MOB3B: variants seen among roughly 807,000 people sequenced by gnomAD.
The protein encoded by MOB3B is MOB kinase activator 3B, also known as MOB kinase activator-like 2B.
MOB3B carries 7 observed loss-of-function variants against 18.7 expected under a neutral mutation model. The observed-to-expected ratio is 0.37, with a 90% CI of 0.21 to 0.70. The LOEUF (loss-of-function observed/expected upper bound fraction) is 0.70, where lower values mean the gene tolerates loss of function less well. Ranked by LOEUF, MOB3B falls within the 30% of genes least tolerant of loss-of-function variation. The probability of loss-of-function intolerance (pLI) is 0.52; values close to 1 mark genes in which losing one functional copy is unlikely to be tolerated. For missense variants in MOB3B, 253 were observed against 281.3 expected, an observed-to-expected ratio of 0.90 and a Z score of 0.72; for synonymous variants, 111 against 99.9, an observed-to-expected ratio of 1.11 and a Z score of -0.66.
chr9:27,443,982 T>A (rs1322501339), intron 2 of MOB3B, among the ~76,000 whole-genome samples: 1 of 152,176 alleles, frequency 6.6e-6, no homozygotes, highest in East Asian at 1.9e-4. Flanking sequence ...AACCACAGCA[T>A]GTTCTCTCTG....
Position 27,440,528 on chromosome 9 carries a change from T to A in MOB3B, c.418+14605A>T, listed in dbSNP as rs1587215979. Among the ~76,000 whole-genome samples, 3 of 152,206 alleles carry A rather than the reference T, an allele frequency of 2.0e-5. No homozygotes were observed. In the South Asian group the frequency reaches 6.2e-4, roughly 32 times the overall value. ...ATATTATAGAAAGCTCTCCTGAGCC[T>A]GAATATTTGTTGCATAAAATTTGCA... is the stretch of plus-strand genomic sequence containing the variant. On this transcript the variant is annotated intron_variant, in intron 2 of 3. Coordinates refer to ENST00000262244, the MANE Select transcript of MOB3B (RefSeq NM_024761.5).
In MOB3B at chr9:27,455,223, T is replaced by C. The variant is rs1479406758; in HGVS notation, c.328A>G (p.Thr110Ala). Residue 110 changes from threonine (T) to alanine (A), a missense_variant, in exon 2 of 4, where the codon ACA becomes GCA. By Grantham distance (58) the Thr-to-Ala change is moderately conservative. Transcript: ENST00000262244. Reference sequence around the variant, plus strand: ...ATGTACTGGGGAGCTGGCAGCGCTGTTGGCTTCTTATACTTGAGATCATCC... The same window carrying C: ...ATGTACTGGGGAGCTGGCAGCGCTGCTGGCTTCTTATACTTGAGATCATCC... ...WQDDLKYKKPTALPAPQYMNL... is the reference protein window; with the variant it reads ...WQDDLKYKKPAALPAPQYMNL... 8.7e-6 allele frequency: 14 copies of C among 1,614,180 alleles called. No individual in the cohort carries two copies. The highest frequency in any genetic ancestry group is 1.3e-5 in the African/African-American group (1 of 75,062).
chr9:27,346,426 G>A (rs1471939926), intron 3 of MOB3B, among the ~76,000 whole-genome samples: 2 of 152,144 alleles, frequency 1.3e-5, no homozygotes, highest in African/African-American at 2.4e-5. Flanking sequence ...TTTCACCTCT[G>A]CATCTGATTT....
intron 1 of MOB3B, among the ~76,000 whole-genome samples, chr9:27,463,972 G>GA (rs1459535607): frequency 3.3e-5 from 5 of 151,858 alleles, no homozygotes; most frequent in Admixed American, 1.3e-4. Context: ...AAAGAAAAAA[G>GA]AAAAAAATAA....
At position 27,529,684 on chromosome 9, in the gene MOB3B, C is replaced by A. The variant is rs1213088506; in HGVS notation, c.-328G>T. 21 of 985,326 alleles carry A rather than the reference C, an allele frequency of 2.1e-5. No individual in the cohort carries two copies. Among genetic ancestry groups the A allele is most frequent in the Admixed American group, 6.1e-5 (1 of 16,268 alleles). The allele number at this position is 985,326 out of a possible 1,614,324, so 61.0% of individuals were successfully genotyped here. A position where few individuals can be genotyped will look rare whatever the true frequency, so the allele number is the denominator to read the frequency against. On this transcript the variant is annotated 5_prime_UTR_variant, in exon 1 of 4. Transcript: ENST00000262244. ...TTGCCAATCCACGCAAGGGACTCTGCCGCCGGTGCGCGAGGTCCCGGCGAG... is the reference window on the plus strand; with the variant it reads ...TTGCCAATCCACGCAAGGGACTCTGACGCCGGTGCGCGAGGTCCCGGCGAG...
chr9:27,370,829 C>G (rs1055909021), intron 2 of MOB3B, among the ~76,000 whole-genome samples: 7 of 152,172 alleles, frequency 4.6e-5, no homozygotes, highest in Admixed American at 1.3e-4. Context: ...GTTCCCCTTA[C>G]TTTTCCCAAC....
chr9:27,370,142 A>G (rs1046762169), intron 2 of MOB3B, among the ~76,000 whole-genome samples: 99 of 152,230 alleles, frequency 6.5e-4, no homozygotes, highest in African/African-American at 2.2e-3. Flanking sequence ...TGATGGTACT[A>G]GGAGGTGGGG....
At chr9:27,435,240 C>G (rs929727834) in intron 2 of MOB3B, among the ~76,000 whole-genome samples, 3 of 152,172 alleles carry the variant, frequency 2.0e-5, no homozygotes, top group African/African-American at 7.2e-5. Context: ...TTTCAGCAAA[C>G]TATGGCACAA....
Position 27,326,348 on chromosome 9 carries a change from C to T in MOB3B, c.*4239G>A, listed in dbSNP as rs1820711943. ...AGGCTGAAGCACAACTGGTAATAGC[C>T]TTCAGATATTTAATGGATATGCAAA... On this transcript the variant is annotated 3_prime_UTR_variant, in exon 4 of 4. Transcript: ENST00000262244. 1 of 396,922 alleles carries T rather than the reference C, an allele frequency of 2.5e-6. No individual in the cohort carries two copies. The allele number at this position is 396,922 out of a possible 1,614,324, so 24.6% of individuals were successfully genotyped here. A position where few individuals can be genotyped will look rare whatever the true frequency, so the allele number is the denominator to read the frequency against.
At chr9:27,357,237 T>C (rs1384502399) in intron 3 of MOB3B, among the ~76,000 whole-genome samples, 1 of 147,884 alleles carries the variant, frequency 6.8e-6, no homozygotes, top group Admixed American at 6.8e-5. Flanking sequence ...CACCATCTTC[T>C]TTGCCAGGTA....
At position 27,468,218 on chromosome 9, in the gene MOB3B, C is replaced by G. The variant is rs546917833; in HGVS notation, c.-198-12470G>C. ...ATTTGTACCAGTTACTGCTCAGTGG[C>G]AGACACACAGAGACAGACTGCTCAG... On this transcript the variant is annotated intron_variant, in intron 1 of 3. Transcript: ENST00000262244. Among the ~76,000 whole-genome samples, 18 of 152,306 alleles carry G rather than the reference C, an allele frequency of 1.2e-4. No homozygotes were observed. The South Asian group carries it at 3.7e-3, about 32-fold the overall frequency.
At chr9:27,472,678 TAAAAAAA>T (rs56092176) in intron 1 of MOB3B, among the ~76,000 whole-genome samples, 1 of 98,908 alleles carries the variant, frequency 1.0e-5, no homozygotes, top group East Asian at 3.4e-4. Context: ...CACTTTATTC[TAAAAAAA>T]AAAAAAAAAA....
intron 2 of MOB3B, among the ~76,000 whole-genome samples, chr9:27,371,243 TG>T: frequency 6.6e-6 from 1 of 152,206 alleles, no homozygotes; most frequent in East Asian, 1.9e-4. Flanking sequence ...TTTGTACAGT[TG>T]GGGGAACCCA....
At chr9:27,499,768 T>C (rs1025591875) in intron 1 of MOB3B, among the ~76,000 whole-genome samples, 1 of 152,144 alleles carries the variant, frequency 6.6e-6, no homozygotes, top group African/African-American at 2.4e-5. Flanking sequence ...TTTTCTGCAC[T>C]AGTACAGAAA....
chr9:27,333,294 T>C lies in MOB3B; in HGVS notation c.622-2678A>G, dbSNP rs139156807. Among the ~76,000 whole-genome samples the C allele has an allele frequency of 1.6e-3, 244 of 152,164 alleles. 1 individual carries two copies. The highest frequency in any genetic ancestry group is 3.0e-3 in the Non-Finnish European group (203 of 68,014). ...TTGAGTTGGATCCATCCTTCAAAGC[T>C]CTGCAAGACTCTGCAAGCTGTATTC... On this transcript the variant is annotated intron_variant, in intron 3 of 3. Transcript: ENST00000262244.
chr9:27,357,404 C>G (rs1821208672), intron 3 of MOB3B, among the ~76,000 whole-genome samples: 1 of 151,638 alleles, frequency 6.6e-6, no homozygotes, highest in South Asian at 2.1e-4. Flanking sequence ...TACACAACAA[C>G]CAATACAAAC....
chr9:27,443,990 C>CT (rs1199347304), intron 2 of MOB3B, among the ~76,000 whole-genome samples: 1 of 152,064 alleles, frequency 6.6e-6, no homozygotes, highest in African/African-American at 2.4e-5. Flanking sequence ...CATGTTCTCT[C>CT]TGAGCCCCAT....
chr9:27,465,757 C>T (rs530008465), intron 1 of MOB3B, among the ~76,000 whole-genome samples: 5 of 152,322 alleles, frequency 3.3e-5, no homozygotes, highest in South Asian at 2.1e-4. Context: ...CTCAACACCA[C>T]GTGGAAACTG....
chr9:27,417,258 G>A (rs1822165673), intron 2 of MOB3B, among the ~76,000 whole-genome samples: 1 of 152,160 alleles, frequency 6.6e-6, no homozygotes, highest in African/African-American at 2.4e-5. Context: ...CAGCAACTCG[G>A]GAGGCTGAGG....
Sources: allele counts gnomAD v4.1 joint callset (sites outside exome capture counted in the v4.1 genomes callset), GRCh38; gene constraint gnomAD v4.1.1; transcripts MANE v1.5; gene names NCBI Gene and HGNC (gene_info 2026-07-23, HGNC 2026-07-21).